Variants in SEMA6D observed in about 807,000 individuals in gnomAD.
SEMA6D encodes the protein semaphorin 6D.
A neutral mutation model predicts 106.6 loss-of-function variants in SEMA6D; 35 were observed. The ratio of observed to expected loss-of-function variants is 0.33; its 90% CI spans 0.25 to 0.44. The LOEUF (loss-of-function observed/expected upper bound fraction) is 0.44, where lower values mean the gene tolerates loss of function less well. Among genes scored for constraint, SEMA6D ranks in the 20% least tolerant of loss-of-function variants. SEMA6D has a pLI of 1.00. For synonymous variants in SEMA6D, 499 were observed against 487.7 expected, an observed-to-expected ratio of 1.02 and a Z score of -0.31; for missense variants, 1,185 against 1,345.9, an observed-to-expected ratio of 0.88 and a Z score of 1.87.
chr15:47,301,742 G>A (rs550566709), intron 1 of SEMA6D, among the ~76,000 whole-genome samples: 1 of 152,324 alleles, frequency 6.6e-6, no homozygotes, highest in South Asian at 2.1e-4. Context: ...GAAACGAGAC[G>A]GGCAGTGACC....
chr15:47,421,511 C>G (rs1249286215), intron 2 of SEMA6D, among the ~76,000 whole-genome samples: 2 of 152,058 alleles, frequency 1.3e-5, no homozygotes, highest in Non-Finnish European at 2.9e-5. Context: ...GTTTTGGCTT[C>G]AGGTGATAGA....
At chr15:47,374,752 C>A (rs1432292983) in intron 1 of SEMA6D, among the ~76,000 whole-genome samples, 2 of 152,152 alleles carry the variant, frequency 1.3e-5, no homozygotes, top group African/African-American at 4.8e-5. Context: ...CAAATGTCTC[C>A]ATTTTAGGGC....
At chr15:47,184,823 T>A (rs74013736) in intron 1 of SEMA6D, among the ~76,000 whole-genome samples, 4,720 of 152,318 alleles carry the variant, frequency 0.031, 240 homozygotes, top group African/African-American at 0.11. Flanking sequence ...ACCCGCAAGC[T>A]GGGCGAGTTG....
intron 1 of SEMA6D, among the ~76,000 whole-genome samples, chr15:47,392,082 G>A (rs1439388948): frequency 1.3e-5 from 2 of 152,022 alleles, no homozygotes; most frequent in East Asian, 3.9e-4. Flanking sequence ...GTTTATTAAA[G>A]GTGCTGTTGT....
intron 4 of SEMA6D, among the ~76,000 whole-genome samples, chr15:47,618,171 T>A (rs945759207): frequency 3.9e-5 from 6 of 152,224 alleles, no homozygotes; most frequent in African/African-American, 1.4e-4. Flanking sequence ...ACTCTTTCAG[T>A]GCTTAGATGG....
At chr15:47,309,097 C>G (rs2036342386) in intron 1 of SEMA6D, among the ~76,000 whole-genome samples, 1 of 152,058 alleles carries the variant, frequency 6.6e-6, no homozygotes, top group African/African-American at 2.4e-5. Flanking sequence ...GGAGTATATC[C>G]CAATGAACCC....
At chr15:47,344,189 AT>A (rs5812377) in intron 1 of SEMA6D, among the ~76,000 whole-genome samples, 79,239 of 151,878 alleles carry the variant, frequency 0.52, 24,005 homozygotes, top group African/African-American at 0.85. Flanking sequence ...CCTCACTTGG[AT>A]TTTTTTTACT....
At chr15:47,593,732 A>T (rs1005697760) in intron 3 of SEMA6D, among the ~76,000 whole-genome samples, 1 of 152,170 alleles carries the variant, frequency 6.6e-6, no homozygotes, top group Non-Finnish European at 1.5e-5. Context: ...CATCATGCTG[A>T]CATCTGTTCC....
intron 1 of SEMA6D, among the ~76,000 whole-genome samples, chr15:47,355,883 C>G (rs905285781): frequency 6.6e-6 from 1 of 152,132 alleles, no homozygotes; most frequent in African/African-American, 2.4e-5. Flanking sequence ...TTCAGGGCAA[C>G]ATTTTGTTGT....
chr15:47,596,839 C>T (rs1333057793), intron 3 of SEMA6D, among the ~76,000 whole-genome samples: 1 of 151,866 alleles, frequency 6.6e-6, no homozygotes, highest in African/African-American at 2.4e-5. Context: ...TAGAAGAAAA[C>T]ATAGGAGAAA....
At chr15:47,536,297 G>C (rs1285250260) in intron 3 of SEMA6D, among the ~76,000 whole-genome samples, 1 of 152,186 alleles carries the variant, frequency 6.6e-6, no homozygotes, top group Non-Finnish European at 1.5e-5. Flanking sequence ...GATTTGAGGA[G>C]TATAGAAATA....
rs2082586740 is a variant in SEMA6D, at chr15:47,770,763, T to C, written c.2200T>C (p.Ser734Pro). The C allele has an allele frequency of 6.2e-7, 1 of 1,613,908 alleles. No homozygotes were observed. The highest frequency in any genetic ancestry group is 1.3e-5 in the African/African-American group (1 of 74,898). The stretch of plus-strand genomic sequence containing the variant: ...CAAGGAATACCAACAGAATATTGAT[T>C]CTCCTAAACTGTATAGTAACCTGCT... ...PVKEYQQNID[S>P]PKLYSNLLTS... The change falls in exon 19 of 19, where the codon TCT (serine) becomes CCT (proline). Residue 734 changes from serine to proline, a missense_variant. By Grantham distance (74) the Ser-to-Pro change is moderately conservative. This residue lies in a region of SEMA6D where 750 missense variants were observed against 783.5 expected (regional missense o/e 0.96). Transcript: ENST00000536845.
intron 1 of SEMA6D, among the ~76,000 whole-genome samples, chr15:47,343,761 G>C (rs995928939): frequency 6.6e-6 from 1 of 151,896 alleles, no homozygotes; most frequent in Non-Finnish European, 1.5e-5. Context: ...TAATCCTTTG[G>C]GTATATACCC....
rs146024984 is a variant in SEMA6D at position 47,557,184 on chromosome 15, C to T, written c.-86-43681C>T. Among the ~76,000 whole-genome samples, 71 of 152,188 alleles carry T rather than the reference C, an allele frequency of 4.7e-4. 1 individual carries two copies. Among genetic ancestry groups the T allele is most frequent in the African/African-American group, 1.5e-3 (61 of 41,538 alleles). ...AAGGAAAGAAGGCCTAGGGGAAACT[C>T]AACAGTCACTTCATGTAAAATGACA... is the stretch of plus-strand genomic sequence containing the variant. On this transcript the variant is annotated intron_variant, in intron 3 of 19. Transcript: ENST00000558014.
At chr15:47,363,755 A>G (rs760445624) in intron 1 of SEMA6D, among the ~76,000 whole-genome samples, 10 of 152,208 alleles carry the variant, frequency 6.6e-5, no homozygotes, top group Non-Finnish European at 1.3e-4. Context: ...TCATACTGCT[A>G]TAAAGAAATA....
At chr15:47,286,714 T>C (rs2035378413) in intron 1 of SEMA6D, among the ~76,000 whole-genome samples, 1 of 152,176 alleles carries the variant, frequency 6.6e-6, no homozygotes, top group African/African-American at 2.4e-5. Flanking sequence ...TGAAATGGTC[T>C]TGGAGGTCTC....
chr15:47,458,694 T>C (rs2042414318), intron 2 of SEMA6D, among the ~76,000 whole-genome samples: 1 of 151,978 alleles, frequency 6.6e-6, no homozygotes, highest in Non-Finnish European at 1.5e-5. Flanking sequence ...TAAAAATGTG[T>C]AGGATGCTGT....
chr15:47,226,870 C>G (rs1595771206), intron 1 of SEMA6D, among the ~76,000 whole-genome samples: 1 of 152,096 alleles, frequency 6.6e-6, no homozygotes, highest in Non-Finnish European at 1.5e-5. Context: ...CTTTGGTTCA[C>G]ATCAGATATT....
At chr15:47,758,757 G>A (rs2081908293) in intron 1 of SEMA6D, among the ~76,000 whole-genome samples, 1 of 152,062 alleles carries the variant, frequency 6.6e-6, no homozygotes, top group Non-Finnish European at 1.5e-5. Flanking sequence ...TATATTTGAA[G>A]GACAAAAATC....
Sources: allele counts gnomAD v4.1 joint callset (sites outside exome capture counted in the v4.1 genomes callset), GRCh38; gene constraint gnomAD v4.1.1; regional missense constraint gnomAD v4.1.1; transcripts MANE v1.5; gene names NCBI Gene and HGNC (gene_info 2026-07-23, HGNC 2026-07-21).